RRBP1: variants seen among roughly 807,000 people sequenced by gnomAD.
RRBP1 encodes ribosome-binding protein 1.
A neutral mutation model predicts 165.2 loss-of-function variants in RRBP1; 94 were observed. The ratio of observed to expected loss-of-function variants is 0.57; its 90% CI spans 0.48 to 0.68. The LOEUF is 0.68. RRBP1 is among the 30% of genes least tolerant of loss of function. The pLI is 0.00. For missense variants in RRBP1, 1,676 were observed against 1,763.0 expected (o/e 0.95, Z 0.88); for synonymous variants, 680 against 714.5 (o/e 0.95, Z 0.77).
At position 17,615,436 on chromosome 20, in the gene RRBP1, G is replaced by A; in HGVS notation, c.4045C>T (p.Leu1349=). 2 of 1,608,344 alleles carry A rather than the reference G, an allele frequency of 1.2e-6. No individual in the cohort carries two copies. Among genetic ancestry groups the A allele is most frequent in the Non-Finnish European group, 1.7e-6 (2 of 1,177,470 alleles). ...ESSETEEASQ[L]KERLEKEKKL... ...CCGCCCCAGCCCCTGCCTGCCTTCAGCTGTGAGGCCTCCTCTGTTTCTGAA... is the reference window on the plus strand; with the variant it reads ...CCGCCCCAGCCCCTGCCTGCCTTCAACTGTGAGGCCTCCTCTGTTTCTGAA... Residue 1349 remains leucine, a synonymous_variant, in exon 23 of 25, where the codon CTG becomes TTG. Coordinates refer to ENST00000377813, the MANE Select transcript of RRBP1 (RefSeq NM_001365613.2).
intron 13 of RRBP1, 111 bp from the exon 14 acceptor site, chr20:17,622,058 C>T (rs2035926472): frequency 1.3e-6 from 1 of 772,524 alleles, no homozygotes; most frequent in African/African-American, 1.7e-5. Context: ...GGCACATCCT[C>T]AGCTCTTCAG....
intron 3 of RRBP1, among the ~76,000 whole-genome samples, chr20:17,646,557 G>A (rs2036466022): frequency 6.6e-6 from 1 of 152,190 alleles, no homozygotes; most frequent in Admixed American, 6.5e-5. Flanking sequence ...CTCACAGCGT[G>A]GCTGAAAAGA....
chr20:17,678,562 A>T (rs2122521529), intron 2 of RRBP1, among the ~76,000 whole-genome samples: 1 of 152,322 alleles, frequency 6.6e-6, no homozygotes, highest in Admixed American at 6.5e-5. Context: ...GGTTCAACAT[A>T]TTACCACATG....
chr20:17,661,325 G>C (rs1377870438), intron 2 of RRBP1, among the ~76,000 whole-genome samples: 2 of 152,224 alleles, frequency 1.3e-5, no homozygotes, highest in Non-Finnish European at 2.9e-5. Flanking sequence ...CCTGCAATTT[G>C]CATGTTGGGA....
chr20:17,681,236 C>A (rs6105790), intron 1 of RRBP1, among the ~76,000 whole-genome samples: 1 of 148,398 alleles, frequency 6.7e-6, no homozygotes, highest in Non-Finnish European at 1.5e-5. Context: ...CCTCGTCCCC[C>A]CGCCGGGAGC....
intron 3 of RRBP1, among the ~76,000 whole-genome samples, chr20:17,658,050 GCTC>G (rs1197426181): frequency 6.6e-6 from 1 of 152,166 alleles, no homozygotes; most frequent in Non-Finnish European, 1.5e-5. Flanking sequence ...CAGAATTATT[GCTC>G]CTAATTCCTC....
At chr20:17,624,707 G>GGCA in intron 12 of RRBP1, 39 bp from the exon 13 acceptor site, 1 of 1,411,336 alleles carries the variant, frequency 7.1e-7, no homozygotes, top group African/African-American at 1.4e-5. Context: ...AGCCTGCACT[G>GGCA]GCAGCACGGG....
At chr20:17,624,730 G>C in intron 12 of RRBP1, 62 bp from the exon 13 acceptor site, 1 of 1,231,412 alleles carries the variant, frequency 8.1e-7, no homozygotes, top group East Asian at 2.5e-5. Context: ...GCCTAAGCTG[G>C]TGTCAGACAG....
intron 9 of RRBP1, among the ~76,000 whole-genome samples, chr20:17,628,799 C>T (rs769170203): frequency 6.6e-6 from 1 of 152,246 alleles, no homozygotes; most frequent in Non-Finnish European, 1.5e-5. Flanking sequence ...CCCTCTGGAG[C>T]AGGGGCCGGG....
At chr20:17,627,425 T>A in intron 10 of RRBP1, 43 bp from the exon 11 acceptor site, 1 of 1,612,994 alleles carries the variant, frequency 6.2e-7, no homozygotes, top group Non-Finnish European at 8.5e-7. Context: ...AGGAGACTCA[T>A]CTCACGCAGC....
chr20:17,647,521 A>AG (rs200135302), intron 3 of RRBP1, among the ~76,000 whole-genome samples: 2,107 of 152,346 alleles, frequency 0.014, 27 homozygotes, highest in South Asian at 0.051. Context: ...CAGGATGCCC[A>AG]GGGGGATGCG....
chr20:17,653,278 C>G (rs1381003100), intron 3 of RRBP1, among the ~76,000 whole-genome samples: 1 of 152,220 alleles, frequency 6.6e-6, no homozygotes, highest in Non-Finnish European at 1.5e-5. Context: ...ACTGAGCCCA[C>G]CCAGGGCCTC....
intron 7 of RRBP1, among the ~76,000 whole-genome samples, chr20:17,635,084 G>A (rs1342426481): frequency 1.3e-5 from 2 of 152,180 alleles, no homozygotes; most frequent in Non-Finnish European, 2.9e-5. Context: ...ACTGCAGTGG[G>A]TTTCTCGAGG....
intron 5 of RRBP1, among the ~76,000 whole-genome samples, chr20:17,638,913 A>T (rs1218856142): frequency 6.6e-6 from 1 of 152,112 alleles, no homozygotes; most frequent in Non-Finnish European, 1.5e-5. Flanking sequence ...ACCTCCACCA[A>T]GAAGGCCTGG....
chr20:17,670,711 CT>C (rs1191775407), intron 2 of RRBP1, among the ~76,000 whole-genome samples: 5 of 152,174 alleles, frequency 3.3e-5, no homozygotes, highest in Non-Finnish European at 7.3e-5. Flanking sequence ...TGAGAAGTTC[CT>C]TTAGCAAAGA....
chr20:17,656,501 G>A (rs918348171), intron 3 of RRBP1, among the ~76,000 whole-genome samples: 5 of 152,136 alleles, frequency 3.3e-5, no homozygotes, highest in Admixed American at 1.3e-4. Context: ...TCCAAATTAT[G>A]AATATATGAA....
chr20:17,631,271 A>C (rs2122310991), intron 8 of RRBP1, among the ~76,000 whole-genome samples: 1 of 152,312 alleles, frequency 6.6e-6, no homozygotes, highest in Non-Finnish European at 1.5e-5. Flanking sequence ...TACATAGGGC[A>C]GGGTCATTAC....
chr20:17,632,569 T>G (rs1187963310), intron 8 of RRBP1, among the ~76,000 whole-genome samples: 2 of 152,214 alleles, frequency 1.3e-5, no homozygotes, highest in African/African-American at 2.4e-5. Flanking sequence ...CTCTTAAAAT[T>G]TCGTGTCTGT....
At position 17,641,655 on chromosome 20, in the gene RRBP1, C is replaced by A. The variant is rs559438274; in HGVS notation, c.2184+142G>T. ...GGCTCTTTAGGCAGCAGATAAGCAG[C>A]AGTCCCTACTCAGCAGCCTGACAGC... On this transcript the variant is annotated intron_variant, in intron 5 of 24. Transcript: ENST00000377813. The A allele has an allele frequency of 1.1e-5, 11 of 1,004,678 alleles. No homozygotes were observed. In the African/African-American group the frequency reaches 1.6e-4, roughly 14 times the overall value. 62.2% of individuals were successfully genotyped at this position (1,004,678 alleles called of 1,614,324 possible).
Sources: allele counts gnomAD v4.1 joint callset (sites outside exome capture counted in the v4.1 genomes callset), GRCh38; gene constraint gnomAD v4.1.1; transcripts MANE v1.5; gene names NCBI Gene and HGNC (gene_info 2026-07-23, HGNC 2026-07-21).